The following ARMC9 variants were observed in gnomAD, a reference collection of about 807,000 sequenced individuals.
ARMC9 encodes the protein lisH domain-containing protein ARMC9.
Under a neutral mutation model 107.0 loss-of-function variants are expected in ARMC9, and 94 were observed. The ratio of observed to expected loss-of-function variants is 0.88; its 90% CI spans 0.74 to 1.04. ARMC9 has a LOEUF of 1.04. Ranked by LOEUF, ARMC9 falls within the 50% of genes least tolerant of loss-of-function variation. The pLI, the probability that ARMC9 is intolerant of heterozygous loss-of-function variation, is 0.00. For synonymous variants in ARMC9, 380 were observed against 396.9 expected, an observed-to-expected ratio of 0.96 and a Z score of 0.51; for missense variants, 942 against 1,030.1, an observed-to-expected ratio of 0.91 and a Z score of 1.17.
chr2:231,231,897 C>A (rs2035259882), intron 7 of ARMC9, among the ~76,000 whole-genome samples: 1 of 151,942 alleles, frequency 6.6e-6, no homozygotes. Flanking sequence ...CCGTGTTGGC[C>A]AGGCTTGTGT....
intron 6 of ARMC9, among the ~76,000 whole-genome samples, chr2:231,223,752 A>C (rs1378893492): frequency 6.6e-6 from 1 of 152,180 alleles, no homozygotes; most frequent in Admixed American, 6.5e-5. Context: ...CCTGTATTCA[A>C]ATTCCTTAGC....
chr2:231,376,463 AG>A lies in ARMC9; in HGVS notation c.*4929del, dbSNP rs2046200680. Among the ~76,000 whole-genome samples, 3 of 152,250 alleles carry A rather than the reference AG, an allele frequency of 2.0e-5. No individual in the cohort carries two copies. The South Asian group carries it at 6.2e-4, about 32-fold the overall frequency. On this transcript the variant is annotated 3_prime_UTR_variant, in exon 25 of 25. Transcript: ENST00000611582. The stretch of plus-strand genomic sequence containing the variant: ...GGTCGTCTCTTATGGTCGAGGCTGC[AG>A]AGATGAAATAAACTCCAGTCTCCCA...
chr2:231,286,700 C>T (rs1190731328), intron 17 of ARMC9, among the ~76,000 whole-genome samples: 2 of 151,890 alleles, frequency 1.3e-5, no homozygotes, highest in Non-Finnish European at 2.9e-5. Flanking sequence ...AAAAGCAGTA[C>T]GAAGCAGTAT....
intron 19 of ARMC9, among the ~76,000 whole-genome samples, chr2:231,321,709 AGGATC>A (rs1423395233): frequency 3.9e-5 from 6 of 151,914 alleles, no homozygotes; most frequent in African/African-American, 1.5e-4. Flanking sequence ...GCACACTCTT[AGGATC>A]CTGTTTGGAA....
chr2:231,221,442 T>G (rs899188830), intron 5 of ARMC9, among the ~76,000 whole-genome samples: 8 of 152,152 alleles, frequency 5.3e-5, no homozygotes, highest in Admixed American at 2.6e-4. Flanking sequence ...TCAGCATGTA[T>G]TTTGAGGGAA....
intron 17 of ARMC9, 132 bp from the exon 18 acceptor site, chr2:231,291,221 T>C (rs1476982188): frequency 1.5e-5 from 10 of 675,532 alleles, no homozygotes; most frequent in Middle Eastern, 2.6e-4. Flanking sequence ...TCCTCTTCTC[T>C]GTCCCCCACC....
intron 3 of ARMC9, among the ~76,000 whole-genome samples, 199 bp downstream of exon 3, chr2:231,208,451 A>C (rs2032350860): frequency 6.6e-6 from 1 of 152,248 alleles, no homozygotes; most frequent in Non-Finnish European, 1.5e-5. Context: ...TGGCCATATA[A>C]GATCTTTCAC....
rs2037692681 is a variant in ARMC9 at position 231,255,472 on chromosome 2, A to G, written c.880-1114A>G. ...AATGTATTTAACTAGGCAGTTTGAAATGCCCCTGGGAGTTTGGTCAGGGAG... is the reference window on the plus strand; with the variant it reads ...AATGTATTTAACTAGGCAGTTTGAAGTGCCCCTGGGAGTTTGGTCAGGGAG... On this transcript the variant is annotated intron_variant, in intron 9 of 24. Coordinates refer to ENST00000611582, the MANE Select transcript of ARMC9 (RefSeq NM_001352754.2). The surrounding 1 kb of genome is among the most constrained non-coding windows in gnomAD (Gnocchi z 4.7). 6.6e-6 allele frequency among the ~76,000 whole-genome samples: 1 copy of G among 152,248 alleles called. No homozygotes were observed. The highest frequency in any genetic ancestry group is 1.5e-5 in the Non-Finnish European group (1 of 68,044).
rs2040872176 is a variant in ARMC9 at position 231,289,923 on chromosome 2, G to A, written c.1627-1430G>A. 1.3e-5 allele frequency among the ~76,000 whole-genome samples: 2 copies of A among 152,124 alleles called. 1 individual carries two copies. Among genetic ancestry groups the A allele is most frequent in the South Asian group, 4.1e-4 (2 of 4,826 alleles). On this transcript the variant is annotated intron_variant, in intron 17 of 24. Coordinates refer to ENST00000611582, the MANE Select transcript of ARMC9 (RefSeq NM_001352754.2). ...GCTTCAGCTACCAGATCTCTCTCCT[G>A]AGCCACGAACCCCTACTGGACACAG...
At position 231,255,377 on chromosome 2, in the gene ARMC9, T is replaced by A. The variant is rs1479563090; in HGVS notation, c.880-1209T>A. Among the ~76,000 whole-genome samples, 1 of 152,224 alleles carries A rather than the reference T, an allele frequency of 6.6e-6. No homozygotes were observed. Among genetic ancestry groups the A allele is most frequent in the Non-Finnish European group, 1.5e-5 (1 of 68,042 alleles). On this transcript the variant is annotated intron_variant, in intron 9 of 24. Transcript: ENST00000611582. The surrounding 1 kb of genome is among the most constrained non-coding windows in gnomAD (Gnocchi z 4.7). ...TGGTACAAAGTGCACATTTTTATAC[T>A]TGAAGAGAAAATCTTAATAAAGAAA...
At position 231,270,977 on chromosome 2, in the gene ARMC9, C is replaced by G. The variant is rs2039275224; in HGVS notation, c.1120-5C>G. On this transcript the variant is annotated splice_region_variant and splice_polypyrimidine_tract_variant and intron_variant, in intron 12 of 24. Transcript: ENST00000611582. ...CTTGTTTTTCCTCTTGACGTTTTCC[C>G]CCAGAGGAGTGTGCTTCAGTTGCTG... 6.2e-7 allele frequency: 1 copy of G among 1,613,746 alleles called. No individual in the cohort carries two copies. Among genetic ancestry groups the G allele is most frequent in the African/African-American group, 1.3e-5 (1 of 74,882 alleles).
chr2:231,280,262 C>G (rs1574929140), intron 16 of ARMC9, among the ~76,000 whole-genome samples: 1 of 152,154 alleles, frequency 6.6e-6, no homozygotes, highest in African/African-American at 2.4e-5. Context: ...CGAGACCAGC[C>G]TGGCCAACAT....
intron 12 of ARMC9, among the ~76,000 whole-genome samples, chr2:231,268,298 C>T (rs1009549895): frequency 4.6e-5 from 7 of 152,134 alleles, no homozygotes; most frequent in African/African-American, 1.7e-4. Flanking sequence ...GAACACTCAT[C>T]AGGCTGTACA....
chr2:231,315,416 G>A (rs568990101), intron 19 of ARMC9, among the ~76,000 whole-genome samples: 118 of 152,152 alleles, frequency 7.8e-4, no homozygotes, highest in African/African-American at 2.7e-3. Flanking sequence ...GCGCACACCT[G>A]TAGTCCCAGC....
intron 19 of ARMC9, among the ~76,000 whole-genome samples, chr2:231,326,744 AACTG>A (rs2043345711): frequency 6.6e-6 from 1 of 152,228 alleles, no homozygotes. Flanking sequence ...ATTCCTTGGA[AACTG>A]ACTGGGGCAA....
At chr2:231,284,120 T>C (rs549177786) in intron 17 of ARMC9, among the ~76,000 whole-genome samples, 110 of 152,320 alleles carry the variant, frequency 7.2e-4, no homozygotes, top group African/African-American at 2.6e-3. Context: ...TAATACCCCA[T>C]TTTTACTGTA....
At chr2:231,218,903 C>A (rs564232054) in intron 5 of ARMC9, among the ~76,000 whole-genome samples, 5 of 152,172 alleles carry the variant, frequency 3.3e-5, no homozygotes, top group African/African-American at 1.2e-4. Context: ...AGGCACACGC[C>A]ACCATGTCCG....
intron 19 of ARMC9, among the ~76,000 whole-genome samples, chr2:231,315,936 T>C (rs971133659): frequency 6.6e-6 from 1 of 152,244 alleles, no homozygotes; most frequent in African/African-American, 2.4e-5. Flanking sequence ...CCTTTTTGTT[T>C]GTAAGTTGGT....
intron 17 of ARMC9, among the ~76,000 whole-genome samples, chr2:231,287,620 C>A (rs553830289): frequency 6.6e-6 from 1 of 152,032 alleles, no homozygotes; most frequent in African/African-American, 2.4e-5. Flanking sequence ...TAGGCTCAAG[C>A]GATTCTCCTG....
Sources: allele counts gnomAD v4.1 joint callset (sites outside exome capture counted in the v4.1 genomes callset), GRCh38; gene constraint gnomAD v4.1.1; non-coding constraint Gnocchi (gnomAD v3.1); transcripts MANE v1.5; gene names NCBI Gene and HGNC (gene_info 2026-07-23, HGNC 2026-07-21).